PRR16: variants seen among roughly 807,000 people sequenced by gnomAD.
PRR16 encodes the protein proline rich 16, also known as protein Largen.
PRR16 carries 6 observed loss-of-function variants against 18.2 expected under a neutral mutation model. The ratio of observed to expected loss-of-function variants is 0.33; its 90% CI spans 0.18 to 0.65. The LOEUF is 0.65. Among genes scored for constraint, PRR16 ranks in the 30% least tolerant of loss-of-function variants. The probability of loss-of-function intolerance (pLI) is 0.74; values close to 1 mark genes in which losing one functional copy is unlikely to be tolerated. For synonymous variants in PRR16, 151 were observed against 147.8 expected (o/e 1.02, Z -0.16); for missense variants, 412 against 376.6 (o/e 1.09, Z -0.78).
At chr5:120,467,581 A>G (rs1749143611) in intron 1 of PRR16, among the ~76,000 whole-genome samples, 1 of 152,192 alleles carries the variant, frequency 6.6e-6, no homozygotes, top group South Asian at 2.1e-4. Context: ...GTAGTAGGAT[A>G]GAATCAAACA....
chr5:120,699,110 C>T, the PRR16 span, among the ~76,000 whole-genome samples: 1 of 151,916 alleles, frequency 6.6e-6, no homozygotes, highest in Non-Finnish European at 1.5e-5. Context: ...TCTGCCAGTC[C>T]TGGGTGGGGG....
the PRR16 span, among the ~76,000 whole-genome samples, chr5:120,754,111 T>G: frequency 4.7e-5 from 2 of 42,534 alleles, no homozygotes; most frequent in African/African-American, 1.6e-4. Context: ...AGGAAGAAAA[T>G]AGAATATTTC....
intron 1 of PRR16, among the ~76,000 whole-genome samples, chr5:120,543,216 A>AT (rs1751970879): frequency 6.6e-6 from 1 of 152,154 alleles, no homozygotes; most frequent in African/African-American, 2.4e-5. Flanking sequence ...TGCTTGGGAA[A>AT]TTTTTGTAAA....
chr5:120,514,696 G>A (rs532955852), intron 1 of PRR16, among the ~76,000 whole-genome samples: 138 of 152,188 alleles, frequency 9.1e-4, no homozygotes, highest in Middle Eastern at 3.4e-3. Flanking sequence ...TTCCCATACC[G>A]TATTCCACAT....
At chr5:120,706,017 A>G in the PRR16 span, among the ~76,000 whole-genome samples, 2 of 152,228 alleles carry the variant, frequency 1.3e-5, no homozygotes, top group Non-Finnish European at 2.9e-5. Context: ...TAACAGTCAT[A>G]TAACAAAGTT....
chr5:120,741,135 T>TA, the PRR16 span, among the ~76,000 whole-genome samples: 11 of 151,996 alleles, frequency 7.2e-5, no homozygotes, highest in Non-Finnish European at 1.5e-4. Context: ...AAAAATTTTT[T>TA]TATATATATA....
chr5:120,570,458 C>T (rs1053162208), intron 1 of PRR16, among the ~76,000 whole-genome samples: 22 of 152,066 alleles, frequency 1.4e-4, no homozygotes, highest in African/African-American at 4.3e-4. Flanking sequence ...TAGGGACCTA[C>T]GAAGCTTAAA....
chr5:120,533,029 C>T (rs1039032729), intron 1 of PRR16, among the ~76,000 whole-genome samples: 1 of 152,172 alleles, frequency 6.6e-6, no homozygotes, highest in Non-Finnish European at 1.5e-5. Flanking sequence ...GCTTTTGCAT[C>T]CCCCCTTCAT....
At chr5:120,520,840 A>G (rs1335752088) in intron 1 of PRR16, among the ~76,000 whole-genome samples, 1 of 152,126 alleles carries the variant, frequency 6.6e-6, no homozygotes, top group African/African-American at 2.4e-5. Flanking sequence ...AAAACTCTTA[A>G]ATATTGTATT....
intron 1 of PRR16, among the ~76,000 whole-genome samples, chr5:120,613,040 A>T (rs1367469482): frequency 6.6e-6 from 1 of 152,218 alleles, no homozygotes; most frequent in Non-Finnish European, 1.5e-5. Context: ...AATAAGCATG[A>T]GGTATATGTT....
intron 1 of PRR16, among the ~76,000 whole-genome samples, chr5:120,647,680 G>C (rs973420641): frequency 2.0e-5 from 3 of 151,902 alleles, no homozygotes; most frequent in Non-Finnish European, 4.4e-5. Context: ...AATTGCTTTT[G>C]GCTTACTTCT....
chr5:120,553,511 G>T (rs1752321129), intron 1 of PRR16, among the ~76,000 whole-genome samples: 1 of 151,734 alleles, frequency 6.6e-6, no homozygotes, highest in African/African-American at 2.4e-5. Flanking sequence ...ATACTCCATT[G>T]TCTTCACAAG....
chr5:120,764,442 C>T, the PRR16 span, among the ~76,000 whole-genome samples: 1 of 151,350 alleles, frequency 6.6e-6, no homozygotes, highest in Non-Finnish European at 1.5e-5. Flanking sequence ...TTTTAATGTG[C>T]TCTTGGGTTT....
chr5:120,714,325 C>T, the PRR16 span, among the ~76,000 whole-genome samples: 1 of 152,110 alleles, frequency 6.6e-6, no homozygotes, highest in Admixed American at 6.6e-5. Flanking sequence ...CTTTTGCCAA[C>T]ATTGACTTGG....
chr5:120,468,271 G>A (rs1749165927), intron 1 of PRR16, among the ~76,000 whole-genome samples: 1 of 152,088 alleles, frequency 6.6e-6, no homozygotes. Context: ...CCATATACAG[G>A]AGATTACATA....
At chr5:120,629,043 T>C (rs1242055816) in intron 1 of PRR16, among the ~76,000 whole-genome samples, 2 of 151,982 alleles carry the variant, frequency 1.3e-5, no homozygotes, top group East Asian at 3.9e-4. Context: ...CCACTCTCCA[T>C]GCTCAAATAG....
the PRR16 span, among the ~76,000 whole-genome samples, chr5:120,738,573 C>G: frequency 6.6e-6 from 1 of 152,130 alleles, no homozygotes; most frequent in Admixed American, 6.5e-5. Context: ...GCATGTGTTA[C>G]AAAGCCCTTT....
the PRR16 span, among the ~76,000 whole-genome samples, chr5:120,704,823 T>A: frequency 6.6e-6 from 1 of 152,192 alleles, no homozygotes; most frequent in African/African-American, 2.4e-5. Flanking sequence ...ATTGAGACAG[T>A]ATATAGTCAG....
intron 1 of PRR16, among the ~76,000 whole-genome samples, chr5:120,667,727 AG>A (rs1398049632): frequency 3.9e-5 from 6 of 152,188 alleles, no homozygotes; most frequent in Non-Finnish European, 7.4e-5. Context: ...GTAGTCATTC[AG>A]GAGCAGGTTG....
Sources: allele counts gnomAD v4.1 joint callset (sites outside exome capture counted in the v4.1 genomes callset), GRCh38; gene constraint gnomAD v4.1.1; transcripts MANE v1.5; gene names NCBI Gene and HGNC (gene_info 2026-07-23, HGNC 2026-07-21).